BCAS3: variants seen among roughly 807,000 people sequenced by gnomAD.
The protein encoded by BCAS3 is BCAS3 microtubule associated cell migration factor.
A neutral mutation model predicts 116.1 loss-of-function variants in BCAS3; 53 were observed. The observed-to-expected ratio is 0.46, with a 90% CI of 0.37 to 0.57. The LOEUF (loss-of-function observed/expected upper bound fraction) is 0.57, where lower values mean the gene tolerates loss of function less well. Among genes scored for constraint, BCAS3 ranks in the 20% least tolerant of loss-of-function variants. The pLI is 0.00. For missense variants in BCAS3, 917 were observed against 1,165.4 expected (o/e 0.79, Z 3.10); for synonymous variants, 391 against 408.2 (o/e 0.96, Z 0.51).
At chr17:60,999,474 A>T (rs2064078233) in intron 15 of BCAS3, among the ~76,000 whole-genome samples, 3 of 151,150 alleles carry the variant, frequency 2.0e-5, no homozygotes, top group Non-Finnish European at 2.9e-5. Context: ...CCGCGAGCTG[A>T]ATGTTGCAGT....
At chr17:60,754,264 G>T (rs1436832023) in intron 6 of BCAS3, among the ~76,000 whole-genome samples, 3 of 152,054 alleles carry the variant, frequency 2.0e-5, no homozygotes, top group Non-Finnish European at 2.9e-5. Context: ...AGAGAACAGT[G>T]ACGCAATCAT....
intron 22 of BCAS3, among the ~76,000 whole-genome samples, chr17:61,338,025 G>A (rs1027650727): frequency 4.6e-5 from 7 of 152,148 alleles, no homozygotes; most frequent in East Asian, 3.9e-4. Flanking sequence ...AAGTTAGGTC[G>A]AATGTCACGC....
intron 13 of BCAS3, among the ~76,000 whole-genome samples, chr17:60,931,109 A>G (rs939736063): frequency 6.6e-6 from 1 of 152,076 alleles, no homozygotes; most frequent in Non-Finnish European, 1.5e-5. Flanking sequence ...GGCCAGAATT[A>G]AAACAAATAT....
In BCAS3 at chr17:61,181,468, T is replaced by C. The variant is rs935170334; in HGVS notation, c.2425+96904T>C. On this transcript the variant is annotated intron_variant, in intron 22 of 23. Coordinates refer to ENST00000407086, the MANE Select transcript of BCAS3 (RefSeq NM_017679.5). This position sits in a 1 kb window ranked among gnomAD's most constrained non-coding sequence, Gnocchi z 5.0. ...CTTTGCTTGACCATTTATGGACCAA[T>C]ACACCCAGAAACAGTCTTTTGTGTA... 1.3e-5 allele frequency among the ~76,000 whole-genome samples: 2 copies of C among 152,208 alleles called. No individual in the cohort carries two copies. The highest frequency in any genetic ancestry group is 2.4e-5 in the African/African-American group (1 of 41,468).
intron 22 of BCAS3, among the ~76,000 whole-genome samples, chr17:61,264,518 A>C (rs1439000934): frequency 6.6e-6 from 1 of 151,062 alleles, no homozygotes; most frequent in East Asian, 1.9e-4. Flanking sequence ...AGTGATTCTC[A>C]TGTCTCAGCC....
intron 4 of BCAS3, among the ~76,000 whole-genome samples, chr17:60,697,107 T>C (rs1200784536): frequency 6.6e-6 from 1 of 152,098 alleles, no homozygotes; most frequent in Non-Finnish European, 1.5e-5. Context: ...GGAGGATTGC[T>C]TCAGCCCAGG....
chr17:61,089,509 CTTTTTTTTTTTTTTTTTTTTT>C (rs71370187), intron 22 of BCAS3, among the ~76,000 whole-genome samples: 111 of 26,750 alleles, frequency 4.1e-3, no homozygotes, highest in African/African-American at 0.016. Flanking sequence ...GAGTTTCACT[CTTTTTTTTTTTTTTTTTTTTT>C]TTTTTTTTTT....
intron 10 of BCAS3, 22 bp from the exon 11 acceptor site, chr17:60,902,598 T>TCC (rs774521973): frequency 2.9e-5 from 41 of 1,410,956 alleles, no homozygotes; most frequent in Non-Finnish European, 3.9e-5. Context: ...ACGTTCTGCT[T>TCC]CTCTCTCTCT....
rs915819782 is a variant in BCAS3, at chr17:60,724,049, T to C, written c.321+14724T>C. Among the ~76,000 whole-genome samples, 5 of 152,112 alleles carry C rather than the reference T, an allele frequency of 3.3e-5. No homozygotes were observed. The South Asian group carries it at 1.0e-3, about 32-fold the overall frequency. On this transcript the variant is annotated intron_variant, in intron 5 of 23. Coordinates refer to ENST00000407086, the MANE Select transcript of BCAS3 (RefSeq NM_017679.5). ...TTTTCACTTTCTTAAAATTTTCTTT[T>C]GATGAAAAAAATCTGGTTCCGATTT...
chr17:61,090,465 C>T (rs546559574), intron 22 of BCAS3, among the ~76,000 whole-genome samples: 3 of 152,208 alleles, frequency 2.0e-5, no homozygotes, highest in Admixed American at 6.5e-5. Flanking sequence ...TTAAGATTGG[C>T]TTTTATATTA....
At chr17:60,703,521 A>G (rs905814890) in intron 4 of BCAS3, among the ~76,000 whole-genome samples, 19 of 151,868 alleles carry the variant, frequency 1.3e-4, no homozygotes, top group Non-Finnish European at 2.1e-4. Flanking sequence ...GAGATAGCAC[A>G]TTGCACTTCA....
chr17:61,108,457 A>G (rs1025619394), intron 22 of BCAS3, among the ~76,000 whole-genome samples: 1 of 151,856 alleles, frequency 6.6e-6, no homozygotes, highest in African/African-American at 2.4e-5. Context: ...TAAGTCTGCC[A>G]TTTTATTTTT....
At position 61,378,473 on chromosome 17, in the gene BCAS3, C is replaced by CAATT. The variant is rs1019241991; in HGVS notation, c.2593+9980_2593+9983dup. ...CTGCCTTTTCCATTAACTTGCTCACCAATTCCCTTCGTTTTGCCATTGGAA... is the reference window on the plus strand; with the variant it reads ...CTGCCTTTTCCATTAACTTGCTCACCAATTAATTCCCTTCGTTTTGCCATTGGAA... On this transcript the variant is annotated intron_variant, in intron 23 of 23. Transcript: ENST00000407086. The surrounding 1 kb of genome is among the most constrained non-coding windows in gnomAD (Gnocchi z 5.8). The CAATT allele has an allele frequency of 6.6e-6, 1 of 152,244 alleles. No individual in the cohort carries two copies. The highest frequency in any genetic ancestry group is 2.4e-5 in the African/African-American group (1 of 41,444). 9.4% of individuals were successfully genotyped at this position (152,244 alleles called of 1,614,324 possible).
Position 61,144,433 on chromosome 17 carries a change from T to C in BCAS3, c.2425+59869T>C, listed in dbSNP as rs1252568380. Among the ~76,000 whole-genome samples the C allele has an allele frequency of 6.6e-6, 1 of 152,198 alleles. No individual in the cohort carries two copies. The highest frequency in any genetic ancestry group is 1.9e-4 in the East Asian group (1 of 5,196). On this transcript the variant is annotated intron_variant, in intron 22 of 23. Coordinates refer to ENST00000407086, the MANE Select transcript of BCAS3 (RefSeq NM_017679.5). This position sits in a 1 kb window ranked among gnomAD's most constrained non-coding sequence, Gnocchi z 5.0. Reference sequence around the variant, plus strand: ...ATGCTATATATAGGAATTAAGCAAGTGTTTCATAATGAAGTGTCCCTCCAA... The same window carrying C: ...ATGCTATATATAGGAATTAAGCAAGCGTTTCATAATGAAGTGTCCCTCCAA...
At chr17:60,735,696 C>T (rs927317212) in intron 5 of BCAS3, among the ~76,000 whole-genome samples, 1 of 152,118 alleles carries the variant, frequency 6.6e-6, no homozygotes, top group Non-Finnish European at 1.5e-5. Flanking sequence ...TCAAGCGATC[C>T]ACTCACCTCT....
chr17:61,059,659 A>G (rs1399736674), intron 19 of BCAS3, among the ~76,000 whole-genome samples: 1 of 152,196 alleles, frequency 6.6e-6, no homozygotes, highest in Admixed American at 6.5e-5. Flanking sequence ...TTTGTATTAT[A>G]TCTCCTCTGA....
intron 19 of BCAS3, among the ~76,000 whole-genome samples, chr17:61,070,723 C>G (rs1472354893): frequency 2.6e-5 from 4 of 152,058 alleles, no homozygotes; most frequent in Admixed American, 2.6e-4. Flanking sequence ...ATAATTTATC[C>G]TGTCTCCTAG....
At chr17:60,748,099 A>G (rs941283561) in intron 6 of BCAS3, among the ~76,000 whole-genome samples, 45 of 152,302 alleles carry the variant, frequency 3.0e-4, no homozygotes, top group African/African-American at 1.1e-3. Context: ...GGATATTAAA[A>G]TATTTTAATT....
intron 22 of BCAS3, among the ~76,000 whole-genome samples, chr17:61,115,242 A>T (rs184508831): frequency 3.9e-5 from 6 of 152,200 alleles, no homozygotes; most frequent in African/African-American, 7.2e-5. Context: ...TGACAAATGG[A>T]ATCTAATTAA....
Sources: gnomAD v4.1 joint callset for allele counts (sites outside exome capture counted in the v4.1 genomes callset) on GRCh38, gnomAD v4.1.1 for gene constraint, Gnocchi (gnomAD v3.1) non-coding constraint, MANE v1.5 for transcripts, NCBI Gene and HGNC (gene_info 2026-07-23, HGNC 2026-07-21) for gene names.